Variants in NEXN observed in about 807,000 individuals in gnomAD.
The protein encoded by NEXN is nexilin.
In NEXN, 65 loss-of-function variants were observed where a neutral mutation model predicts 92.6. The observed-to-expected ratio is 0.70, with a 90% confidence interval of 0.57 to 0.86. The LOEUF (loss-of-function observed/expected upper bound fraction) is 0.86, where lower values mean the gene tolerates loss of function less well. Among genes scored for constraint, NEXN ranks in the 40% least tolerant of loss-of-function variants. The pLI is 0.00. For synonymous variants in NEXN, 254 were observed against 242.5 expected (o/e 1.05, Z -0.44); for missense variants, 778 against 771.1 (o/e 1.01, Z -0.11).
At chr1:77,911,166 T>C (rs762472686) in intron 1 of NEXN, among the ~76,000 whole-genome samples, 2 of 152,166 alleles carry the variant, frequency 1.3e-5, no homozygotes, top group Non-Finnish European at 2.9e-5. Flanking sequence ...TGTATGCAGG[T>C]TGAATATCCC....
At chr1:77,916,621 A>C (rs1180889862) in intron 2 of NEXN, among the ~76,000 whole-genome samples, 1 of 152,172 alleles carries the variant, frequency 6.6e-6, no homozygotes, top group African/African-American at 2.4e-5. Context: ...TCAGAATTAT[A>C]AAGTTAACCC....
intron 11 of NEXN, among the ~76,000 whole-genome samples, chr1:77,936,359 G>A (rs1370784594): frequency 6.6e-6 from 1 of 152,196 alleles, no homozygotes; most frequent in Non-Finnish European, 1.5e-5. Context: ...AGGCCAAGGA[G>A]GGAGGATCAC....
chr1:77,911,867 G>A (rs192592676), intron 1 of NEXN, among the ~76,000 whole-genome samples: 2,721 of 151,638 alleles, frequency 0.018, 42 homozygotes, highest in Non-Finnish European at 0.024. Flanking sequence ...CGGATCACAA[G>A]GCAGGAGTTG....
At chr1:77,933,946 A>T (rs1004232993) in intron 10 of NEXN, among the ~76,000 whole-genome samples, 1 of 150,882 alleles carries the variant, frequency 6.6e-6, no homozygotes, top group Non-Finnish European at 1.5e-5. Flanking sequence ...AGTGATCCTC[A>T]TGTCTCAGCC....
intron 1 of NEXN, among the ~76,000 whole-genome samples, chr1:77,910,394 C>T (rs1386486799): frequency 1.3e-5 from 2 of 152,036 alleles, no homozygotes; most frequent in Non-Finnish European, 2.9e-5. Flanking sequence ...ACTGTGCTCA[C>T]CGATGATGTG....
chr1:77,924,850 G>A (rs1200624640), intron 5 of NEXN, among the ~76,000 whole-genome samples: 3 of 151,892 alleles, frequency 2.0e-5, no homozygotes, highest in Middle Eastern at 3.2e-3. Flanking sequence ...TGTAGAGAAG[G>A]GATCTCGCCA....
At chr1:77,914,553 C>A (rs1248571109) in intron 1 of NEXN, among the ~76,000 whole-genome samples, 3 of 152,004 alleles carry the variant, frequency 2.0e-5, no homozygotes, top group Non-Finnish European at 4.4e-5. Context: ...GAACTAAATG[C>A]TGCAATTAAA....
At chr1:77,939,567 T>A (rs568905767) in intron 11 of NEXN, among the ~76,000 whole-genome samples, 1 of 152,350 alleles carries the variant, frequency 6.6e-6, no homozygotes, top group East Asian at 1.9e-4. Context: ...GTTATACCTA[T>A]ACCTACAAAA....
chr1:77,889,294 T>C (rs1647047795), intron 1 of NEXN: 1 of 150,938 alleles, frequency 6.6e-6, no homozygotes, highest in Non-Finnish European at 1.5e-5. Context: ...AGAAATATGA[T>C]TTAACAGCCT....
At position 77,942,810 on chromosome 1, in the gene NEXN, C is replaced by T. The variant is rs1651498465; in HGVS notation, c.2009C>T (p.Thr670Ile). The stretch of plus-strand genomic sequence containing the variant: ...TCTGCAGCTAGTACCTGTATTCTTA[C>T]CATTGAAAGTAAGAATTAATCACTC... Reference protein sequence around the residue: ...KGSAASTCILTIESKN With the variant: ...KGSAASTCILIIESKN Residue 670 changes from threonine to isoleucine, a missense_variant, in exon 13 of 13, where the codon ACC (threonine) becomes ATC (isoleucine). By Grantham distance (89) the Thr-to-Ile change is moderately conservative. Around this residue, in one of 3 missense-constraint regions of NEXN, gnomAD observed 532 missense variants for 476.7 expected, o/e 1.12. Transcript: ENST00000334785. The T allele has an allele frequency of 1.2e-6, 2 of 1,608,276 alleles. No individual in the cohort carries two copies. Among genetic ancestry groups the T allele is most frequent in the Admixed American group, 3.3e-5 (2 of 59,846 alleles).
chr1:77,902,425 G>A (rs1647796088), intron 1 of NEXN, among the ~76,000 whole-genome samples: 1 of 149,214 alleles, frequency 6.7e-6, no homozygotes, highest in African/African-American at 2.4e-5. Context: ...TCCCAAAAGA[G>A]AATAAAAGGC....
At chr1:77,892,774 CA>C (rs1272072186) in intron 1 of NEXN, among the ~76,000 whole-genome samples, 1 of 151,750 alleles carries the variant, frequency 6.6e-6, no homozygotes, top group African/African-American at 2.4e-5. Context: ...TATTGCTAAC[CA>C]AAACAAATAA....
rs756709134 is a variant in NEXN at position 77,942,606 on chromosome 1, C to T, written c.1805C>T (p.Thr602Met). Residue 602 changes from threonine to methionine, a missense_variant, in exon 13 of 13, where the codon ACG becomes ATG. Coordinates refer to ENST00000334785, the MANE Select transcript of NEXN (RefSeq NM_144573.4). ...SVVDSEPVRF[T>M]VKVTGEPKPE... ...GTAGACAGTGAGCCAGTCAGATTTA[C>T]GGTTAAAGTAACAGGAGAACCCAAA... The T allele has an allele frequency of 5.6e-6, 9 of 1,613,576 alleles. No individual in the cohort carries two copies. The highest frequency in any genetic ancestry group is 1.1e-5 in the South Asian group (1 of 91,058).
At position 77,939,210 on chromosome 1, in the gene NEXN, A is replaced by G. The variant is rs563391729; in HGVS notation, c.1474-2813A>G. ...CGGAGGGGTCTACCATTACTTCAGG[A>G]TATCTAGATGATGCTATAGAGAAAT... On this transcript the variant is annotated intron_variant, in intron 11 of 12. Coordinates refer to ENST00000334785, the MANE Select transcript of NEXN (RefSeq NM_144573.4). 1.4e-4 allele frequency among the ~76,000 whole-genome samples: 22 copies of G among 152,314 alleles called. No homozygotes were observed. In the South Asian group the frequency reaches 3.7e-3, roughly 26 times the overall value.
intron 5 of NEXN, among the ~76,000 whole-genome samples, chr1:77,923,451 CTT>C (rs1315398918): frequency 6.6e-6 from 1 of 152,088 alleles, no homozygotes; most frequent in Non-Finnish European, 1.5e-5. Flanking sequence ...TTTAACCACT[CTT>C]TCATTGGTTT....
At chr1:77,896,215 C>T (rs1303967973) in intron 1 of NEXN, among the ~76,000 whole-genome samples, 5 of 89,786 alleles carry the variant, frequency 5.6e-5, no homozygotes, top group African/African-American at 1.7e-4. Context: ...CGGCCAAGCA[C>T]AGTGACTCAG....
Position 77,943,197 on chromosome 1 carries a change from C to T in NEXN, c.*368C>T, listed in dbSNP as rs951491464. 29 of 249,806 alleles carry T rather than the reference C, an allele frequency of 1.2e-4. No homozygotes were observed. Among genetic ancestry groups the T allele is most frequent in the African/African-American group, 4.8e-4 (21 of 43,936 alleles). 15.5% of individuals were successfully genotyped at this position (249,806 alleles called of 1,614,324 possible). ...AGAACCTATTATAAAGACTGTATTT[C>T]CCATAGACGTTTACAGCAACTATGT... On this transcript the variant is annotated 3_prime_UTR_variant, in exon 13 of 13. Transcript: ENST00000334785.
At chr1:77,896,176 A>ATAAATAAATAAG (rs1172640811) in intron 1 of NEXN, among the ~76,000 whole-genome samples, 3 of 151,508 alleles carry the variant, frequency 2.0e-5, no homozygotes, top group Non-Finnish European at 4.4e-5. Context: ...GTCTCAATAA[A>ATAAATAAATAAG]TAAATAAATA....
rs548857479 is a variant in NEXN, at chr1:77,920,574, T to A, written c.447+2301T>A. Among the ~76,000 whole-genome samples the A allele has an allele frequency of 4.0e-5, 5 of 124,174 alleles. No individual in the cohort carries two copies. The Admixed American group carries it at 5.6e-4, about 14-fold the overall frequency. 81.5% of individuals were successfully genotyped at this position (124,174 alleles called of 152,430 possible). On this transcript the variant is annotated intron_variant, in intron 5 of 12. Coordinates refer to ENST00000334785, the MANE Select transcript of NEXN (RefSeq NM_144573.4). ...AGTTTCAGGATGCAGTGAGCTATGATAATTTCACTGCACTTCCAGCCAGCA... is the reference window on the plus strand; with the variant it reads ...AGTTTCAGGATGCAGTGAGCTATGAAAATTTCACTGCACTTCCAGCCAGCA...
Sources: gnomAD v4.1 joint callset for allele counts (sites outside exome capture counted in the v4.1 genomes callset) on GRCh38, gnomAD v4.1.1 for gene constraint, gnomAD v4.1.1 regional missense constraint, MANE v1.5 for transcripts, NCBI Gene and HGNC (gene_info 2026-07-23, HGNC 2026-07-21) for gene names.